NRG3: variants seen among roughly 807,000 people sequenced by gnomAD.
NRG3 encodes neuregulin 3.
Under a neutral mutation model 66.9 loss-of-function variants are expected in NRG3, and 31 were observed. The ratio of observed to expected loss-of-function variants is 0.46; its 90% CI spans 0.35 to 0.63. The LOEUF (loss-of-function observed/expected upper bound fraction) is 0.63, where lower values mean the gene tolerates loss of function less well. NRG3 is among the 20% of genes least tolerant of loss of function. The probability of loss-of-function intolerance (pLI) is 0.00; values close to 1 mark genes in which losing one functional copy is unlikely to be tolerated. For missense variants in NRG3, 910 were observed against 878.9 expected, an observed-to-expected ratio of 1.04 and a Z score of -0.45; for synonymous variants, 393 against 359.4, an observed-to-expected ratio of 1.09 and a Z score of -1.06.
At chr10:81,943,728 C>T (rs1164717798) in intron 1 of NRG3, among the ~76,000 whole-genome samples, 1 of 152,196 alleles carries the variant, frequency 6.6e-6, no homozygotes, top group African/African-American at 2.4e-5. Context: ...TTGCTGCTGG[C>T]CTCTGAGGCC....
intron 2 of NRG3, among the ~76,000 whole-genome samples, chr10:82,589,226 C>A (rs554847880): frequency 1.3e-5 from 2 of 152,230 alleles, no homozygotes; most frequent in African/African-American, 2.4e-5. Context: ...GAAATGGTAA[C>A]GAAAGCACAA....
chr10:82,005,335 G>A (rs1322836817), intron 1 of NRG3, among the ~76,000 whole-genome samples: 2 of 152,166 alleles, frequency 1.3e-5, no homozygotes, highest in African/African-American at 4.8e-5. Flanking sequence ...AAAACTTAAG[G>A]ATGCCTAGTG....
At chr10:82,879,031 T>C (rs1335392265) in intron 4 of NRG3, among the ~76,000 whole-genome samples, 2 of 152,252 alleles carry the variant, frequency 1.3e-5, no homozygotes, top group African/African-American at 4.8e-5. Flanking sequence ...ATTAAATACA[T>C]TCTGTAAGAG....
At chr10:82,363,765 T>G (rs75252060) in intron 2 of NRG3, among the ~76,000 whole-genome samples, 8,376 of 152,250 alleles carry the variant, frequency 0.055, 310 homozygotes, top group African/African-American at 0.099. Flanking sequence ...CCCATAGACA[T>G]GCTTGTGAAT....
chr10:82,029,323 A>T (rs2132859283), intron 1 of NRG3, among the ~76,000 whole-genome samples: 1 of 152,290 alleles, frequency 6.6e-6, no homozygotes, highest in South Asian at 2.1e-4. Flanking sequence ...CCTTTGTAAA[A>T]ATAGACATAA....
intron 3 of NRG3, among the ~76,000 whole-genome samples, chr10:82,839,712 CGAT>C (rs1209615010): frequency 6.6e-6 from 1 of 151,152 alleles, no homozygotes; most frequent in Non-Finnish European, 1.5e-5. Flanking sequence ...TAAAATGTAA[CGAT>C]GTATGTACAC....
intron 1 of NRG3, among the ~76,000 whole-genome samples, chr10:82,072,439 T>C (rs2064861117): frequency 6.6e-6 from 1 of 152,118 alleles, no homozygotes; most frequent in Admixed American, 6.5e-5. Context: ...GAATAATGAG[T>C]GATTGATAGG....
At chr10:82,158,932 A>G (rs916696031) in intron 1 of NRG3, among the ~76,000 whole-genome samples, 6 of 151,926 alleles carry the variant, frequency 3.9e-5, no homozygotes, top group Non-Finnish European at 8.8e-5. Flanking sequence ...TGTGAAAAAT[A>G]CATGACAAGA....
At position 82,085,499 on chromosome 10, in the gene NRG3, C is replaced by T. The variant is rs140644837; in HGVS notation, c.823+209336C>T. Among the ~76,000 whole-genome samples, 17 of 152,024 alleles carry T rather than the reference C, an allele frequency of 1.1e-4. No homozygotes were observed. The East Asian group carries it at 3.3e-3, about 30-fold the overall frequency. Reference sequence around the variant, plus strand: ...GAGGGCCTTCGTGTGAGGGCATCACCCCATGGTGGAAGGACAGAGGGCAAG... The same window carrying T: ...GAGGGCCTTCGTGTGAGGGCATCACTCCATGGTGGAAGGACAGAGGGCAAG... On this transcript the variant is annotated intron_variant, in intron 1 of 8. Coordinates refer to ENST00000372141, the MANE Select transcript of NRG3 (RefSeq NM_001010848.4).
At chr10:82,661,623 G>A (rs185903479) in intron 2 of NRG3, among the ~76,000 whole-genome samples, 46 of 152,232 alleles carry the variant, frequency 3.0e-4, no homozygotes, top group Non-Finnish European at 3.8e-4. Flanking sequence ...GCGTGTGTGC[G>A]TGTGCACATG....
intron 1 of NRG3, among the ~76,000 whole-genome samples, chr10:82,208,091 A>T (rs1181707677): frequency 2.0e-5 from 3 of 152,204 alleles, no homozygotes; most frequent in African/African-American, 4.8e-5. Context: ...AATTTAAAAG[A>T]TGAGAAAACT....
At chr10:82,891,710 G>A (rs1395958036) in intron 4 of NRG3, among the ~76,000 whole-genome samples, 1 of 152,050 alleles carries the variant, frequency 6.6e-6, no homozygotes, top group African/African-American at 2.4e-5. Flanking sequence ...ATAAAATCAT[G>A]TCATCTGAAC....
At chr10:82,856,917 T>TC (rs1409749720) in intron 3 of NRG3, among the ~76,000 whole-genome samples, 1 of 152,184 alleles carries the variant, frequency 6.6e-6, no homozygotes, top group Non-Finnish European at 1.5e-5. Flanking sequence ...ACAGTTACTA[T>TC]CACTAGTGAC....
chr10:82,875,915 T>A (rs1447323343), intron 4 of NRG3, among the ~76,000 whole-genome samples: 1 of 152,210 alleles, frequency 6.6e-6, no homozygotes, highest in Non-Finnish European at 1.5e-5. Context: ...GACAACTAAG[T>A]CAAATAAATT....
At position 82,918,905 on chromosome 10, in the gene NRG3, T is replaced by C. The variant is rs116732615; in HGVS notation, c.1055-32564T>C. ...ATGCTAAAATGTATTCATTGTTTAG[T>C]TGGAATTCAAATGAACTGGGTGTCC... On this transcript the variant is annotated intron_variant, in intron 4 of 8. Coordinates refer to ENST00000372141, the MANE Select transcript of NRG3 (RefSeq NM_001010848.4). Among the ~76,000 whole-genome samples, 1,472 of 152,250 alleles carry C rather than the reference T, an allele frequency of 9.7e-3. 29 individuals are homozygous for C. The highest frequency in any genetic ancestry group is 0.034 in the African/African-American group (1,421 of 41,534).
At chr10:82,180,327 A>G (rs1227344546) in intron 1 of NRG3, among the ~76,000 whole-genome samples, 6 of 152,086 alleles carry the variant, frequency 3.9e-5, no homozygotes, top group African/African-American at 1.4e-4. Context: ...TCCTGACCTT[A>G]GGGGAAAAGC....
chr10:82,553,644 A>G (rs560207259), intron 2 of NRG3, among the ~76,000 whole-genome samples: 1 of 152,224 alleles, frequency 6.6e-6, no homozygotes, highest in Non-Finnish European at 1.5e-5. Flanking sequence ...ATCCATGGAC[A>G]CTTATTTGTT....
chr10:81,967,353 G>A (rs1373372774), intron 1 of NRG3, among the ~76,000 whole-genome samples: 1 of 150,262 alleles, frequency 6.7e-6, no homozygotes, highest in East Asian at 2.0e-4. Flanking sequence ...TTCTTTCATT[G>A]TTTATGAATG....
intron 2 of NRG3, among the ~76,000 whole-genome samples, chr10:82,594,555 C>A (rs979299847): frequency 1.3e-5 from 2 of 152,142 alleles, no homozygotes; most frequent in African/African-American, 2.4e-5. Flanking sequence ...AAAAATTTCT[C>A]ATCCACACTA....
Sources: gnomAD v4.1 joint callset for allele counts (sites outside exome capture counted in the v4.1 genomes callset) on GRCh38, gnomAD v4.1.1 for gene constraint, MANE v1.5 for transcripts, NCBI Gene and HGNC (gene_info 2026-07-23, HGNC 2026-07-21) for gene names.